NAALADL2: variants seen among roughly 807,000 people sequenced by gnomAD.
NAALADL2 encodes the protein N-acetylated alpha-linked acidic dipeptidase like 2.
A neutral mutation model predicts 87.2 loss-of-function variants in NAALADL2; 76 were observed. The ratio of observed to expected loss-of-function variants is 0.87; its 90% CI spans 0.72 to 1.05. NAALADL2 has a LOEUF of 1.05. Among genes scored for constraint, NAALADL2 ranks in the 50% least tolerant of loss-of-function variants. The pLI, the probability that NAALADL2 is intolerant of heterozygous loss-of-function variation, is 0.00. For missense variants in NAALADL2, 1,089 were observed against 945.8 expected, an observed-to-expected ratio of 1.15 and a Z score of -1.99; for synonymous variants, 354 against 331.0, an observed-to-expected ratio of 1.07 and a Z score of -0.75.
intron 11 of NAALADL2, among the ~76,000 whole-genome samples, chr3:175,700,844 A>G (rs1738892041): frequency 1.3e-5 from 2 of 152,304 alleles, no homozygotes; most frequent in Middle Eastern, 3.4e-3. Flanking sequence ...TATCATGGAA[A>G]AAAATCCCAT....
chr3:175,278,037 A>G (rs1400751204), intron 4 of NAALADL2, among the ~76,000 whole-genome samples: 1 of 152,136 alleles, frequency 6.6e-6, no homozygotes, highest in Non-Finnish European at 1.5e-5. Context: ...GAGGCAGGAG[A>G]ATGGCGTGAA....
At chr3:175,127,942 T>C (rs1486870677) in intron 2 of NAALADL2, among the ~76,000 whole-genome samples, 2 of 152,170 alleles carry the variant, frequency 1.3e-5, no homozygotes, top group Non-Finnish European at 2.9e-5. Context: ...AGATGTGATA[T>C]AGTGTAGTTA....
chr3:175,454,613 C>T lies in NAALADL2; in HGVS notation c.1234+7241C>T, dbSNP rs181582793. ...AATTCCCTTAGGTTGAAGATAGCCTCGTAGTTTTATTTACCTGGGTTCCCA... is the reference window on the plus strand; with the variant it reads ...AATTCCCTTAGGTTGAAGATAGCCTTGTAGTTTTATTTACCTGGGTTCCCA... On this transcript the variant is annotated intron_variant, in intron 6 of 13. Coordinates refer to ENST00000454872, the MANE Select transcript of NAALADL2 (RefSeq NM_207015.3). Among the ~76,000 whole-genome samples the T allele has an allele frequency of 8.5e-5, 13 of 152,166 alleles. No individual in the cohort carries two copies. In the East Asian group the frequency reaches 2.5e-3, roughly 29 times the overall value.
intron 9 of NAALADL2, among the ~76,000 whole-genome samples, chr3:175,541,832 C>T (rs1560728945): frequency 6.6e-6 from 1 of 152,114 alleles, no homozygotes; most frequent in African/African-American, 2.4e-5. Context: ...AAGTGATTCT[C>T]CTGCCTCAAC....
chr3:175,206,609 A>G (rs983751207), intron 2 of NAALADL2, among the ~76,000 whole-genome samples: 2 of 152,014 alleles, frequency 1.3e-5, no homozygotes, highest in Non-Finnish European at 2.9e-5. Context: ...AGTTCAGTGT[A>G]TACTGCTCGG....
At chr3:175,756,944 G>A (rs1179551948) in intron 13 of NAALADL2, among the ~76,000 whole-genome samples, 1 of 150,918 alleles carries the variant, frequency 6.6e-6, no homozygotes, top group Non-Finnish European at 1.5e-5. Context: ...CATATTTAAT[G>A]TATGTATATG....
At chr3:175,336,686 A>T (rs1762011867) in intron 5 of NAALADL2, among the ~76,000 whole-genome samples, 1 of 152,196 alleles carries the variant, frequency 6.6e-6, no homozygotes, top group African/African-American at 2.4e-5. Context: ...TTGTAATTAG[A>T]TTTATAATTG....
chr3:174,690,812 AT>A (rs1728505521), intron 2 of NAALADL2, among the ~76,000 whole-genome samples: 1 of 152,122 alleles, frequency 6.6e-6, no homozygotes, highest in South Asian at 2.1e-4. Flanking sequence ...AGTGCAAATA[AT>A]TTTTTAAAAG....
In NAALADL2 at chr3:175,783,587, T is replaced by C. The variant is rs1751465004; in HGVS notation, c.2190-19418T>C. Among the ~76,000 whole-genome samples, 6 of 152,176 alleles carry C rather than the reference T, an allele frequency of 3.9e-5. No homozygotes were observed. The South Asian group carries it at 1.2e-3, about 32-fold the overall frequency. ...GACTTTGCTGAAGTTGCTTATCAGC[T>C]TAAGGAGATTTTGGGCTGAGACATT... On this transcript the variant is annotated intron_variant, in intron 13 of 13. Transcript: ENST00000454872.
intron 1 of NAALADL2, among the ~76,000 whole-genome samples, chr3:174,864,848 G>A (rs776633489): frequency 2.6e-5 from 4 of 151,942 alleles, no homozygotes; most frequent in Non-Finnish European, 4.4e-5. Context: ...ACATGTATTT[G>A]ATTTATTATT....
chr3:175,737,237 T>C, intron 11 of NAALADL2, 69 bp from the exon 12 acceptor site: 1 of 912,254 alleles, frequency 1.1e-6, no homozygotes, highest in East Asian at 2.4e-5. Context: ...TCTGAAATAA[T>C]GAAAAACAAA....
At chr3:174,541,749 G>A (rs957327495) in intron 1 of NAALADL2, among the ~76,000 whole-genome samples, 5 of 152,144 alleles carry the variant, frequency 3.3e-5, no homozygotes, top group Admixed American at 3.3e-4. Context: ...GCAATGATTA[G>A]GTACATACTT....
intron 9 of NAALADL2, among the ~76,000 whole-genome samples, chr3:175,556,669 A>C (rs1715326139): frequency 6.6e-6 from 1 of 152,176 alleles, no homozygotes; most frequent in Admixed American, 6.5e-5. Context: ...AGCAGACTCG[A>C]CTATGGGGAA....
intron 3 of NAALADL2, among the ~76,000 whole-genome samples, chr3:174,771,632 A>T (rs944308070): frequency 3.1e-4 from 47 of 152,174 alleles, no homozygotes; most frequent in African/African-American, 1.0e-3. Context: ...TGTTTTGCTA[A>T]AATGTTTAGA....
intron 2 of NAALADL2, among the ~76,000 whole-genome samples, chr3:175,124,161 G>A (rs184183350): frequency 2.0e-5 from 3 of 151,868 alleles, no homozygotes; most frequent in Non-Finnish European, 2.9e-5. Context: ...GCCGCTTTTC[G>A]TGAGAATACT....
At chr3:174,514,998 G>A (rs1719829918) in intron 1 of NAALADL2, among the ~76,000 whole-genome samples, 1 of 152,052 alleles carries the variant, frequency 6.6e-6, no homozygotes, top group Admixed American at 6.6e-5. Flanking sequence ...TATAAAGAAT[G>A]TTTACAAATG....
At chr3:174,789,363 A>G (rs1380234856) in intron 3 of NAALADL2, among the ~76,000 whole-genome samples, 1 of 152,116 alleles carries the variant, frequency 6.6e-6, no homozygotes, top group African/African-American at 2.4e-5. Flanking sequence ...GAGGAGGGGG[A>G]GTCAACAGAT....
intron 11 of NAALADL2, among the ~76,000 whole-genome samples, chr3:175,657,621 C>T (rs1394574091): frequency 2.0e-5 from 3 of 151,230 alleles, no homozygotes; most frequent in Non-Finnish European, 4.4e-5. Context: ...TGCTCTGTCC[C>T]CCAGGCTGGA....
intron 3 of NAALADL2, among the ~76,000 whole-genome samples, chr3:174,807,701 A>G (rs1284358727): frequency 6.6e-6 from 1 of 152,130 alleles, no homozygotes; most frequent in Non-Finnish European, 1.5e-5. Flanking sequence ...TAATTTTAAA[A>G]TATTGGTCTT....
Sources: allele counts gnomAD v4.1 joint callset (sites outside exome capture counted in the v4.1 genomes callset), GRCh38; gene constraint gnomAD v4.1.1; transcripts MANE v1.5; gene names NCBI Gene and HGNC (gene_info 2026-07-23, HGNC 2026-07-21).